EPHA6: variants seen among roughly 807,000 people sequenced by gnomAD.
The protein encoded by EPHA6 is ephrin type-A receptor 6.
A neutral mutation model predicts 112.0 loss-of-function variants in EPHA6; 50 were observed. The ratio of observed to expected loss-of-function variants is 0.45; its 90% CI spans 0.36 to 0.56. The LOEUF is 0.56. Ranked by LOEUF, EPHA6 falls within the 20% of genes least tolerant of loss-of-function variation. The pLI is 0.00. For synonymous variants in EPHA6, 529 were observed against 490.7 expected (o/e 1.08, Z -1.03); for missense variants, 1,280 against 1,417.4 (o/e 0.90, Z 1.56).
At chr3:97,215,987 A>G (rs2078024272) in intron 3 of EPHA6, among the ~76,000 whole-genome samples, 1 of 152,200 alleles carries the variant, frequency 6.6e-6, no homozygotes, top group Non-Finnish European at 1.5e-5. Flanking sequence ...TGTTTACTCT[A>G]ACAAGAAGAA....
intron 6 of EPHA6, among the ~76,000 whole-genome samples, chr3:97,434,790 A>T (rs1020422164): frequency 7.2e-5 from 11 of 152,140 alleles, no homozygotes; most frequent in African/African-American, 2.4e-4. Flanking sequence ...CTCAACTGGG[A>T]TGGCGAAACA....
chr3:96,828,528 C>T (rs1391038720), intron 1 of EPHA6, among the ~76,000 whole-genome samples: 1 of 152,146 alleles, frequency 6.6e-6, no homozygotes, highest in Admixed American at 6.6e-5. Flanking sequence ...GCTTTAGACA[C>T]ACCAGCTCCA....
intron 11 of EPHA6, among the ~76,000 whole-genome samples, chr3:97,572,312 A>G (rs2093342239): frequency 6.6e-6 from 1 of 151,394 alleles, no homozygotes; most frequent in African/African-American, 2.4e-5. Flanking sequence ...CACCACACCC[A>G]GCTAATTTTT....
intron 6 of EPHA6, among the ~76,000 whole-genome samples, chr3:97,416,861 A>G (rs1485393218): frequency 1.3e-5 from 2 of 151,968 alleles, no homozygotes; most frequent in East Asian, 1.9e-4. Context: ...TTTTTCCCCA[A>G]TCCATCATTC....
At chr3:97,183,180 G>A (rs1160451368) in intron 3 of EPHA6, among the ~76,000 whole-genome samples, 1 of 152,048 alleles carries the variant, frequency 6.6e-6, no homozygotes, top group Non-Finnish European at 1.5e-5. Context: ...GCCCTAAGTA[G>A]TGAATATTTT....
At chr3:97,137,313 C>T (rs1269203338) in intron 3 of EPHA6, among the ~76,000 whole-genome samples, 2 of 152,034 alleles carry the variant, frequency 1.3e-5, no homozygotes, top group African/African-American at 4.8e-5. Context: ...CTCCTCCTGC[C>T]CCAGATTGCT....
intron 3 of EPHA6, among the ~76,000 whole-genome samples, chr3:97,048,948 A>G (rs188159863): frequency 1.1e-4 from 17 of 152,294 alleles, no homozygotes; most frequent in Admixed American, 2.6e-4. Context: ...TCTCATTCTG[A>G]AGATGATATT....
chr3:96,837,456 G>A (rs2034483803), intron 1 of EPHA6, among the ~76,000 whole-genome samples: 3 of 152,048 alleles, frequency 2.0e-5, no homozygotes, highest in Admixed American at 1.3e-4. Context: ...AAACATGGGA[G>A]AGATCATTCA....
At chr3:97,224,544 G>T (rs1488709840) in intron 3 of EPHA6, among the ~76,000 whole-genome samples, 1 of 152,014 alleles carries the variant, frequency 6.6e-6, no homozygotes, top group Non-Finnish European at 1.5e-5. Flanking sequence ...CAATGTTTTT[G>T]GCTGAAATTT....
At chr3:97,155,855 C>G (rs2076277111) in intron 3 of EPHA6, among the ~76,000 whole-genome samples, 1 of 152,136 alleles carries the variant, frequency 6.6e-6, no homozygotes, top group Non-Finnish European at 1.5e-5. Flanking sequence ...TCAACTGCCC[C>G]TGCAGCCACC....
intron 3 of EPHA6, among the ~76,000 whole-genome samples, chr3:96,997,268 T>C (rs2043456787): frequency 6.6e-6 from 1 of 152,104 alleles, no homozygotes; most frequent in Non-Finnish European, 1.5e-5. Context: ...TTTGCTTTGT[T>C]ATTCATGTGT....
intron 3 of EPHA6, among the ~76,000 whole-genome samples, chr3:97,213,997 C>CTGTGTGTGTGTGTGTG (rs10557927): frequency 1.4e-4 from 18 of 128,868 alleles, no homozygotes; most frequent in African/African-American, 5.1e-4. Context: ...CTCATGTGTT[C>CTGTGTGTGTGTGTGTG]TGTGTGTGTG....
chr3:96,928,989 A>G (rs2107650266), intron 2 of EPHA6, among the ~76,000 whole-genome samples: 1 of 152,160 alleles, frequency 6.6e-6, no homozygotes, highest in South Asian at 2.1e-4. Context: ...CTCAGTCTCA[A>G]TATTTTGAGC....
intron 3 of EPHA6, among the ~76,000 whole-genome samples, chr3:97,154,293 A>G (rs1167919063): frequency 1.3e-5 from 2 of 151,684 alleles, no homozygotes; most frequent in African/African-American, 2.4e-5. Context: ...TTTTATTTTC[A>G]TTTTCTTCCC....
chr3:97,158,192 C>T (rs983542432), intron 3 of EPHA6, among the ~76,000 whole-genome samples: 1 of 152,146 alleles, frequency 6.6e-6, no homozygotes, highest in Admixed American at 6.5e-5. Flanking sequence ...GTTAACACAT[C>T]TTACTTTACA....
In EPHA6 at chr3:97,542,128, C is replaced by T. The variant is rs573079489; in HGVS notation, c.2386+9585C>T. ...TTTTTATACTTTACGTTTTAGGGTA[C>T]ATGTGCACAATGTGCACCTTTGTTA... On this transcript the variant is annotated intron_variant, in intron 11 of 17. Coordinates refer to ENST00000389672, the MANE Select transcript of EPHA6 (RefSeq NM_001080448.3). 7.2e-4 allele frequency among the ~76,000 whole-genome samples: 108 copies of T among 150,792 alleles called. 1 individual carries two copies. The highest frequency in any genetic ancestry group is 2.2e-3 in the Admixed American group (34 of 15,130).
intron 10 of EPHA6, among the ~76,000 whole-genome samples, chr3:97,516,167 G>A (rs1415105547): frequency 2.0e-5 from 3 of 152,152 alleles, no homozygotes; most frequent in African/African-American, 7.2e-5. Context: ...AAGTAGATAG[G>A]TGGTAGGTAT....
chr3:97,508,112 C>G (rs967232984), intron 10 of EPHA6, among the ~76,000 whole-genome samples: 2 of 152,048 alleles, frequency 1.3e-5, no homozygotes, highest in African/African-American at 2.4e-5. Context: ...AAAAAACTGT[C>G]CCCTGGATTC....
intron 5 of EPHA6, among the ~76,000 whole-genome samples, chr3:97,364,129 G>T (rs1039818178): frequency 6.6e-6 from 1 of 151,902 alleles, no homozygotes; most frequent in African/African-American, 2.4e-5. Flanking sequence ...TTACTGAAGT[G>T]TATGCTTAAA....
Sources: allele counts gnomAD v4.1 joint callset (sites outside exome capture counted in the v4.1 genomes callset), GRCh38; gene constraint gnomAD v4.1.1; transcripts MANE v1.5; gene names NCBI Gene and HGNC (gene_info 2026-07-23, HGNC 2026-07-21).